KLHDC8A: variants seen among roughly 807,000 people sequenced by gnomAD.
The protein encoded by KLHDC8A is kelch domain-containing protein 8A.
In KLHDC8A, 21 loss-of-function variants were observed where a neutral mutation model predicts 33.1. The ratio of observed to expected loss-of-function variants is 0.64; its 90% CI spans 0.45 to 0.91. KLHDC8A has a LOEUF of 0.91. Among genes scored for constraint, KLHDC8A ranks in the 40% least tolerant of loss-of-function variants. KLHDC8A has a pLI of 0.00. For synonymous variants in KLHDC8A, 173 were observed against 193.5 expected (o/e 0.89, Z 0.88); for missense variants, 435 against 483.3 (o/e 0.90, Z 0.94).
Position 205,343,754 on chromosome 1 carries a change from GCCC to G in KLHDC8A, c.-153_-151del. On this transcript the variant is annotated 5_prime_UTR_variant, in exon 2 of 6. Transcript: ENST00000367155. ...CAGACCCCGGCCAGTGCTTCACCGT[GCCC>G]CGAGTCTCAGCGGTCCGGCGGCGTC... is the stretch of plus-strand genomic sequence containing the variant. 2 of 846,478 alleles carry G rather than the reference GCCC, an allele frequency of 2.4e-6. No homozygotes were observed. Among genetic ancestry groups the G allele is most frequent in the Admixed American group, 6.2e-5 (2 of 32,450 alleles). 52.4% of individuals were successfully genotyped at this position (846,478 alleles called of 1,614,324 possible).
At chr1:205,346,275 T>G (rs1303046034) in intron 1 of KLHDC8A, among the ~76,000 whole-genome samples, 2 of 152,218 alleles carry the variant, frequency 1.3e-5, no homozygotes, top group African/African-American at 2.4e-5. Context: ...AGTCTCTATC[T>G]GCCTGGAGAA....
At chr1:205,344,830 T>G (rs1276511020) in intron 1 of KLHDC8A, among the ~76,000 whole-genome samples, 3 of 151,848 alleles carry the variant, frequency 2.0e-5, no homozygotes, top group African/African-American at 7.3e-5. Flanking sequence ...TGACCAGTGA[T>G]GCACAGACAG....
rs41264885 is a variant in KLHDC8A at position 205,338,614 on chromosome 1, T to A, written c.758-18A>T. On this transcript the variant is annotated intron_variant, in intron 4 of 5. Transcript: ENST00000367155. ...CCATCCCCCTATAGGCCATGGATAA[T>A]GGTGGGTTATATAGACAGAATAAGA... is the stretch of plus-strand genomic sequence containing the variant. The A allele has an allele frequency of 0.02, 32,591 of 1,599,982 alleles. 592 individuals carry two copies. The highest frequency in any genetic ancestry group is 0.091 in the Middle Eastern group (552 of 6,038).
chr1:205,337,453 A>C lies in KLHDC8A; in HGVS notation c.999T>G (p.Gly333=), dbSNP rs769511477. The C allele has an allele frequency of 5.6e-6, 9 of 1,613,688 alleles. No homozygotes were observed. In the Admixed American group the frequency reaches 1.2e-4, roughly 21 times the overall value. The change falls in exon 6 of 6, where the codon GGT becomes GGG. Residue 333 remains glycine (G), a synonymous_variant. Coordinates refer to ENST00000367155, the MANE Select transcript of KLHDC8A (RefSeq NM_018203.3). ...VVKNCLLAVG[G]VNQGLSDAVE... The stretch of plus-strand genomic sequence containing the variant: ...CTGCGTCACTCAGACCCTGGTTGAC[A>C]CCTCCCACGGCGAGGAGGCAGTTCT...
At position 205,343,380 on chromosome 1, in the gene KLHDC8A, G is replaced by T; in HGVS notation, c.225C>A (p.Thr75=). 1 of 1,613,622 alleles carries T rather than the reference G, an allele frequency of 6.2e-7. No individual in the cohort carries two copies. The highest frequency in any genetic ancestry group is 8.5e-7 in the Non-Finnish European group (1 of 1,179,894). The change falls in exon 2 of 6, where the codon ACC becomes ACA. Residue 75 remains threonine, a synonymous_variant. Coordinates refer to ENST00000367155, the MANE Select transcript of KLHDC8A (RefSeq NM_018203.3). ...TCACCATGATCCGCTTCCCCAGGGC[G>T]GTGACGGCCACCCCCGCCCGGGCTG... ...LPTARAGVAV[T]ALGKRIMVIG...
chr1:205,338,492 T>C lies in KLHDC8A; in HGVS notation c.859+3A>G. ...AATTCCAGCGTGAAAGCGCCATCCT[T>C]ACCAAGTCCCCCAGCCACTATGACC... is the stretch of plus-strand genomic sequence containing the variant. On this transcript the variant is annotated splice_donor_region_variant and intron_variant, in intron 5 of 5. Coordinates refer to ENST00000367155, the MANE Select transcript of KLHDC8A (RefSeq NM_018203.3). The C allele has an allele frequency of 6.2e-7, 1 of 1,610,464 alleles. No homozygotes were observed. Among genetic ancestry groups the C allele is most frequent in the African/African-American group, 1.3e-5 (1 of 74,908 alleles).
chr1:205,353,409 G>A (rs1663174215), intron 1 of KLHDC8A, among the ~76,000 whole-genome samples: 1 of 152,218 alleles, frequency 6.6e-6, no homozygotes, highest in African/African-American at 2.4e-5. Context: ...TTGCAACAGA[G>A]AGCGCATGGC....
intron 1 of KLHDC8A, chr1:205,351,598 T>C: frequency 1.8e-5 from 4 of 217,868 alleles, no homozygotes; most frequent in South Asian, 1.1e-4. Flanking sequence ...ACTTCTGTAA[T>C]AGTCAAAAAA....
intron 2 of KLHDC8A, among the ~76,000 whole-genome samples, chr1:205,340,995 A>G (rs1662774501): frequency 6.6e-6 from 1 of 152,204 alleles, no homozygotes; most frequent in Non-Finnish European, 1.5e-5. Context: ...CTTCAACTAA[A>G]TGAGATAGGG....
intron 1 of KLHDC8A, among the ~76,000 whole-genome samples, chr1:205,354,962 T>C (rs1327568298): frequency 6.6e-6 from 1 of 152,210 alleles, no homozygotes; most frequent in East Asian, 1.9e-4. Flanking sequence ...TTGCACTTGG[T>C]ATTTTACCTG....
intron 2 of KLHDC8A, among the ~76,000 whole-genome samples, chr1:205,340,089 A>C (rs1335526108): frequency 6.6e-6 from 1 of 151,824 alleles, no homozygotes; most frequent in Non-Finnish European, 1.5e-5. Flanking sequence ...ATCATGGTTC[A>C]CTGCAACCTT....
intron 1 of KLHDC8A, among the ~76,000 whole-genome samples, chr1:205,345,775 C>G (rs1033028711): frequency 2.6e-5 from 4 of 151,854 alleles, no homozygotes; most frequent in African/African-American, 7.3e-5. Flanking sequence ...CCTTCCACCC[C>G]CAAAAGTATA....
Position 205,343,619 on chromosome 1 carries a change from G to A in KLHDC8A, c.-15C>T, listed in dbSNP as rs759025672. 8 of 1,550,916 alleles carry A rather than the reference G, an allele frequency of 5.2e-6. No homozygotes were observed. The highest frequency in any genetic ancestry group is 1.9e-5 in the Admixed American group (1 of 51,428). ...GGCACCTCCATGGCAGCCTTGGGGA[G>A]CGCCCGGGCGCCGGGAGAGGTGCGA... On this transcript the variant is annotated 5_prime_UTR_variant, in exon 2 of 6. Coordinates refer to ENST00000367155, the MANE Select transcript of KLHDC8A (RefSeq NM_018203.3).
intron 1 of KLHDC8A, among the ~76,000 whole-genome samples, chr1:205,348,180 G>A (rs934108742): frequency 6.6e-6 from 1 of 152,100 alleles, no homozygotes; most frequent in African/African-American, 2.4e-5. Context: ...GGAAGTTGGG[G>A]GTGTTGTGGG....
At chr1:205,342,050 A>G (rs1662807751) in intron 2 of KLHDC8A, among the ~76,000 whole-genome samples, 1 of 152,230 alleles carries the variant, frequency 6.6e-6, no homozygotes, top group Non-Finnish European at 1.5e-5. Flanking sequence ...GTAAATGCTT[A>G]TTAAACTAAC....
chr1:205,342,467 T>A (rs1194835550), intron 2 of KLHDC8A, among the ~76,000 whole-genome samples: 1 of 152,178 alleles, frequency 6.6e-6, no homozygotes, highest in Non-Finnish European at 1.5e-5. Flanking sequence ...CCTCTTTCCT[T>A]CCCTCCTGGA....
intron 1 of KLHDC8A, among the ~76,000 whole-genome samples, chr1:205,355,253 C>T (rs968597105): frequency 1.3e-4 from 20 of 152,222 alleles, no homozygotes; most frequent in African/African-American, 4.6e-4. Flanking sequence ...AGCCAAACCA[C>T]TCTATTGCCT....
chr1:205,338,242 C>T (rs114560368), intron 5 of KLHDC8A, among the ~76,000 whole-genome samples: 2,340 of 152,320 alleles, frequency 0.015, 27 homozygotes, highest in Non-Finnish European at 0.023. Context: ...CTGTGCTGCA[C>T]GGCTACGGGT....
chr1:205,353,180 G>C (rs1421171864), intron 1 of KLHDC8A, among the ~76,000 whole-genome samples: 1 of 152,146 alleles, frequency 6.6e-6, no homozygotes. Flanking sequence ...ACCCTGGCCT[G>C]CTGCCTGTTT....
Sources: allele counts gnomAD v4.1 joint callset (sites outside exome capture counted in the v4.1 genomes callset), GRCh38; gene constraint gnomAD v4.1.1; transcripts MANE v1.5; gene names NCBI Gene and HGNC (gene_info 2026-07-23, HGNC 2026-07-21).